Variants in RASA2 observed in about 807,000 individuals in gnomAD.
RASA2 encodes the protein ras GTPase-activating protein 2.
In RASA2, 155 loss-of-function variants were observed where a neutral mutation model predicts 118.2. The ratio of observed to expected loss-of-function variants is 1.31; its 90% CI spans 1.15 to 1.50. RASA2 has a LOEUF of 1.50. RASA2 is among the 40% of genes most tolerant of loss of function. The pLI is 0.00. For missense variants in RASA2, 1,016 were observed against 1,009.6 expected (o/e 1.01, Z -0.09); for synonymous variants, 353 against 349.1 (o/e 1.01, Z -0.12).
At position 141,560,005 on chromosome 3, in the gene RASA2, C is replaced by T; in HGVS notation, c.863+10C>T. The stretch of plus-strand genomic sequence containing the variant: ...CCTCTCATCAAGCCTGGTAAGGGCC[C>T]AGCATTTTAGTGAACTCCATAGTTT... On this transcript the variant is annotated intron_variant, in intron 9 of 23. Transcript: ENST00000286364. 1 of 1,602,062 alleles carries T rather than the reference C, an allele frequency of 6.2e-7. No homozygotes were observed. The highest frequency in any genetic ancestry group is 2.2e-5 in the East Asian group (1 of 44,686).
chr3:141,559,941 G>T lies in RASA2; in HGVS notation c.809G>T (p.Gly270Val), dbSNP rs376998752. 6.2e-7 allele frequency: 1 copy of T among 1,613,270 alleles called. No individual in the cohort carries two copies. Among genetic ancestry groups the T allele is most frequent in the African/African-American group, 1.3e-5 (1 of 75,000 alleles). Residue 270 changes from glycine (G) to valine (V), a missense_variant, in exon 9 of 24, where the codon GGT becomes GTT. Gly to Val is a moderately radical substitution (Grantham distance 109). Coordinates refer to ENST00000286364, the MANE Select transcript of RASA2 (RefSeq NM_006506.5). ...AACCTAGTCCAAGATGTTTTCCTAG[G>T]TGAGATTAAGGTTCCTGTGAACGTA... is the stretch of plus-strand genomic sequence containing the variant. ...NGNLVQDVFL[G>V]EIKVPVNVLR...
At chr3:141,519,175 A>G (rs1452113557) in intron 3 of RASA2, among the ~76,000 whole-genome samples, 1 of 152,206 alleles carries the variant, frequency 6.6e-6, no homozygotes, top group Non-Finnish European at 1.5e-5. Flanking sequence ...CCCACAGAGT[A>G]TCATACTAAT....
intron 19 of RASA2, among the ~76,000 whole-genome samples, chr3:141,597,945 T>TTGTC (rs2083400798): frequency 6.6e-6 from 1 of 152,178 alleles, no homozygotes; most frequent in African/African-American, 2.4e-5. Flanking sequence ...TTTATATCAA[T>TTGTC]AAATTTGACA....
chr3:141,528,511 C>T (rs963475960), intron 3 of RASA2, among the ~76,000 whole-genome samples: 1 of 151,818 alleles, frequency 6.6e-6, no homozygotes, highest in African/African-American at 2.4e-5. Context: ...TAACTTTTCT[C>T]TGTTTGAAAT....
intron 1 of RASA2, among the ~76,000 whole-genome samples, chr3:141,505,813 A>T (rs572469243): frequency 6.6e-6 from 1 of 152,126 alleles, no homozygotes; most frequent in South Asian, 2.1e-4. Context: ...AAAGGTAACT[A>T]GCAACATTGT....
At chr3:141,564,525 C>A (rs1273978533) in intron 9 of RASA2, among the ~76,000 whole-genome samples, 1 of 152,198 alleles carries the variant, frequency 6.6e-6, no homozygotes, top group East Asian at 1.9e-4. Flanking sequence ...TATTCAAGCA[C>A]AATTGAGGGG....
Position 141,612,437 on chromosome 3 carries a change from A to G in RASA2, c.*124A>G. The G allele has an allele frequency of 1.5e-6, 1 of 679,822 alleles. No homozygotes were observed. Among genetic ancestry groups the G allele is most frequent in the Non-Finnish European group, 2.4e-6 (1 of 414,488 alleles). The allele number at this position is 679,822 out of a possible 1,614,324, so 42.1% of individuals were successfully genotyped here. ...CCGCTTCAATGTCATCTGCCTCCAC[A>G]TTGTATTTAATATTTAATAATTGAA... On this transcript the variant is annotated 3_prime_UTR_variant, in exon 24 of 24. Coordinates refer to ENST00000286364, the MANE Select transcript of RASA2 (RefSeq NM_006506.5).
At chr3:141,490,069 G>A (rs2081622337) in intron 1 of RASA2, among the ~76,000 whole-genome samples, 2 of 151,252 alleles carry the variant, frequency 1.3e-5, no homozygotes, top group South Asian at 4.2e-4. Context: ...GGGAATTCGA[G>A]ATCCATCTAT....
intron 1 of RASA2, among the ~76,000 whole-genome samples, chr3:141,488,929 G>C (rs2081608633): frequency 6.6e-6 from 1 of 152,152 alleles, no homozygotes; most frequent in African/African-American, 2.4e-5. Flanking sequence ...TCTTGGAATT[G>C]AGGGTTAGGG....
chr3:141,599,685 C>T (rs1440951150), intron 19 of RASA2, among the ~76,000 whole-genome samples: 2 of 152,008 alleles, frequency 1.3e-5, no homozygotes, highest in Non-Finnish European at 2.9e-5. Flanking sequence ...TCCCTGTTGC[C>T]ACAGATATAC....
chr3:141,532,716 T>C (rs1428018521), intron 4 of RASA2, among the ~76,000 whole-genome samples: 1 of 152,190 alleles, frequency 6.6e-6, no homozygotes, highest in African/African-American at 2.4e-5. Flanking sequence ...TTGGCTTGCA[T>C]TCTGGGCCAT....
In RASA2 at chr3:141,561,386, T is replaced by G. The variant is rs1054305287; in HGVS notation, c.863+1391T>G. 1.4e-4 allele frequency among the ~76,000 whole-genome samples: 22 copies of G among 152,334 alleles called. 1 individual carries two copies. Among genetic ancestry groups the G allele is most frequent in the African/African-American group, 5.1e-4 (21 of 41,576 alleles). On this transcript the variant is annotated intron_variant, in intron 9 of 23. Coordinates refer to ENST00000286364, the MANE Select transcript of RASA2 (RefSeq NM_006506.5). ...AAATTTGGCAAAACTTTGTGCAGCT[T>G]CCTTGGCAGTATGTAAGAACATTAA...
chr3:141,597,426 A>G (rs576139193), intron 19 of RASA2, among the ~76,000 whole-genome samples: 1 of 152,298 alleles, frequency 6.6e-6, no homozygotes, highest in South Asian at 2.1e-4. Context: ...AAAGTAGGTT[A>G]GTGGCTGCTT....
chr3:141,563,055 A>G (rs907366181), intron 9 of RASA2, among the ~76,000 whole-genome samples: 1 of 152,148 alleles, frequency 6.6e-6, no homozygotes, highest in Non-Finnish European at 1.5e-5. Flanking sequence ...GGGTTTGTCT[A>G]CCTCAATTTT....
chr3:141,555,915 A>G lies in RASA2; in HGVS notation c.684+3A>G. 1 of 1,599,766 alleles carries G rather than the reference A, an allele frequency of 6.3e-7. No homozygotes were observed. The highest frequency in any genetic ancestry group is 8.5e-7 in the Non-Finnish European group (1 of 1,171,242). On this transcript the variant is annotated splice_donor_region_variant and intron_variant, in intron 7 of 23. Coordinates refer to ENST00000286364, the MANE Select transcript of RASA2 (RefSeq NM_006506.5). ...TTAATGAAATCTTTTATTTTGAGGT[A>G]ATTTTTTGTTTTACGTAAATGTTAA...
chr3:141,503,946 T>A (rs2081824445), intron 1 of RASA2, among the ~76,000 whole-genome samples: 1 of 152,210 alleles, frequency 6.6e-6, no homozygotes, highest in Admixed American at 6.5e-5. Context: ...TCAACTTAAA[T>A]GAAATGGAAA....
chr3:141,506,596 G>A (rs1011272727), intron 1 of RASA2, among the ~76,000 whole-genome samples: 5 of 152,076 alleles, frequency 3.3e-5, no homozygotes, highest in Admixed American at 2.6e-4. Context: ...TGGTGCACAC[G>A]ATTTGAATGT....
chr3:141,528,386 T>C (rs1444343922), intron 3 of RASA2, among the ~76,000 whole-genome samples: 1 of 151,982 alleles, frequency 6.6e-6, no homozygotes, highest in Non-Finnish European at 1.5e-5. Flanking sequence ...ATATTTGCTT[T>C]TCAGTGGTTC....
At chr3:141,487,653 T>C (rs980822201) in intron 1 of RASA2, among the ~76,000 whole-genome samples, 2 of 150,892 alleles carry the variant, frequency 1.3e-5, no homozygotes, top group African/African-American at 2.4e-5. Flanking sequence ...GAGCAGTAAT[T>C]ATACGGAGGC....
Sources: allele counts gnomAD v4.1 joint callset (sites outside exome capture counted in the v4.1 genomes callset), GRCh38; gene constraint gnomAD v4.1.1; transcripts MANE v1.5; gene names NCBI Gene and HGNC (gene_info 2026-07-23, HGNC 2026-07-21).